TBC1D8B: variants seen among roughly 807,000 people sequenced by gnomAD.
TBC1D8B encodes TBC1 domain family member 8B, also known as RP11-321G1.1.
In TBC1D8B, 75 loss-of-function variants were observed where a neutral mutation model predicts 82.9. That is an observed-to-expected ratio of 0.90 (90% CI 0.75 to 1.10). The LOEUF (loss-of-function observed/expected upper bound fraction) is 1.10, where lower values mean the gene tolerates loss of function less well. Ranked by LOEUF, TBC1D8B falls within the 50% of genes least tolerant of loss-of-function variation. TBC1D8B has a pLI of 0.00. For synonymous variants in TBC1D8B, 276 were observed against 276.8 expected, an observed-to-expected ratio of 1.00 and a Z score of 0.03; for missense variants, 794 against 796.9, an observed-to-expected ratio of 1.00 and a Z score of 0.04.
At chrX:106,864,630 T>C (rs1487690635) in intron 14 of TBC1D8B, among the ~76,000 whole-genome samples, 1 of 107,932 alleles carries the variant, frequency 9.3e-6, no homozygotes, top group East Asian at 2.9e-4. Flanking sequence ...GTGATTCTTG[T>C]GCCTCAGTCT....
At chrX:106,817,711 T>C (rs1174045100) in intron 1 of TBC1D8B, among the ~76,000 whole-genome samples, 1 of 111,284 alleles carries the variant, frequency 9.0e-6, no homozygotes, top group East Asian at 2.8e-4. Context: ...CTGTATAGAC[T>C]CTAAGTCCTA....
intron 10 of TBC1D8B, among the ~76,000 whole-genome samples, chrX:106,846,226 G>A (rs924853944): frequency 3.8e-5 from 4 of 104,602 alleles, no homozygotes; most frequent in Admixed American, 1.0e-4. Context: ...TCAGCCTCAC[G>A]AGTAGCTGGG....
chrX:106,813,206 G>A (rs897245134), intron 1 of TBC1D8B, among the ~76,000 whole-genome samples: 1 of 111,897 alleles, frequency 8.9e-6, no homozygotes, highest in Admixed American at 9.5e-5. Flanking sequence ...ATTCATGGAT[G>A]AAATGATACA....
rs748904494 is a variant in TBC1D8B, at chrX:106,803,002, A to G, written c.130+19A>G. The G allele has an allele frequency of 1.7e-6, 2 of 1,179,684 alleles. No homozygotes were observed. The highest frequency in any genetic ancestry group is 3.0e-5 in the East Asian group (1 of 32,822). On this transcript the variant is annotated intron_variant, in intron 1 of 20. Transcript: ENST00000357242. ...CTCACAGGTAAGCTGTGGCCACCCT[A>G]CCTGCCTCTGGGCTGTGTTCGCTGT...
At chrX:106,816,634 CT>C (rs201876813) in intron 1 of TBC1D8B, among the ~76,000 whole-genome samples, 23,080 of 110,141 alleles carry the variant, frequency 0.21, 2,506 homozygotes, top group Non-Finnish European at 0.31. Flanking sequence ...CATACTTGAA[CT>C]TTTTTTCATA....
chrX:106,813,955 C>T (rs1310390371), intron 1 of TBC1D8B: 2 of 109,862 alleles, frequency 1.8e-5, no homozygotes, highest in Non-Finnish European at 3.8e-5. Flanking sequence ...CTGCTGCACC[C>T]ATTAACGCGT....
At chrX:106,813,996 A>C (rs1158964274) in intron 1 of TBC1D8B, 2 of 105,169 alleles carry the variant, frequency 1.9e-5, no homozygotes, top group Non-Finnish European at 3.9e-5. Context: ...TCTTAATGCT[A>C]TCCCTCCCCC....
At chrX:106,834,196 G>A (rs760115768) in intron 7 of TBC1D8B, among the ~76,000 whole-genome samples, 24 of 111,234 alleles carry the variant, frequency 2.2e-4, no homozygotes, top group Admixed American at 4.8e-4. Flanking sequence ...ACAGTTCTGC[G>A]TGGCTGGGGA....
chrX:106,853,013 G>T (rs1469472085), intron 12 of TBC1D8B, among the ~76,000 whole-genome samples: 1 of 110,948 alleles, frequency 9.0e-6, no homozygotes, highest in Non-Finnish European at 1.9e-5. Context: ...ATTACCTTGG[G>T]CAGTATGGCC....
Position 106,834,199 on chromosome X carries a change from G to T in TBC1D8B, c.1204-5109G>T, listed in dbSNP as rs1932113512. 2.7e-5 allele frequency among the ~76,000 whole-genome samples: 3 copies of T among 111,230 alleles called. No individual in the cohort carries two copies. The South Asian group carries it at 1.2e-3, about 43-fold the overall frequency. Reference sequence around the variant, plus strand: ...TTTAATTGACTCACAGTTCTGCGTGGCTGGGGAGGCCTCAGGAAACTTACA... The same window carrying T: ...TTTAATTGACTCACAGTTCTGCGTGTCTGGGGAGGCCTCAGGAAACTTACA... On this transcript the variant is annotated intron_variant, in intron 7 of 20. Coordinates refer to ENST00000357242, the MANE Select transcript of TBC1D8B (RefSeq NM_017752.3).
At chrX:106,852,952 T>A (rs1183966308) in intron 12 of TBC1D8B, among the ~76,000 whole-genome samples, 3 of 105,526 alleles carry the variant, frequency 2.8e-5, no homozygotes, top group Admixed American at 1.0e-4. Context: ...TTTTTCCAAT[T>A]CTGTGAAGAA....
intron 14 of TBC1D8B, among the ~76,000 whole-genome samples, chrX:106,861,919 T>A (rs897641682): frequency 1.8e-5 from 2 of 112,192 alleles, no homozygotes; most frequent in African/African-American, 6.5e-5. Context: ...CAAGATCTCT[T>A]GTAAGGCAGA....
chrX:106,854,518 C>G (rs1932657315), intron 14 of TBC1D8B, among the ~76,000 whole-genome samples: 1 of 110,549 alleles, frequency 9.0e-6, no homozygotes, highest in Non-Finnish European at 1.9e-5. Context: ...TACTATTTGA[C>G]CTTCAAGACC....
At chrX:106,861,914 T>C (rs1162838952) in intron 14 of TBC1D8B, among the ~76,000 whole-genome samples, 2 of 112,086 alleles carry the variant, frequency 1.8e-5, no homozygotes, top group African/African-American at 6.5e-5. Context: ...CCTTTCAAGA[T>C]CTCTTGTAAG....
chrX:106,851,261 A>G (rs1285464232), intron 12 of TBC1D8B, among the ~76,000 whole-genome samples: 1 of 111,944 alleles, frequency 8.9e-6, no homozygotes, highest in Non-Finnish European at 1.9e-5. Context: ...GTGGTGGTGA[A>G]CACCTGTAAT....
intron 7 of TBC1D8B, 104 bp downstream of exon 7, chrX:106,827,441 G>A: frequency 1.1e-6 from 1 of 914,055 alleles, no homozygotes; most frequent in Non-Finnish European, 1.5e-6. Context: ...TTTATGCCCA[G>A]GGGTTTTTTT....
In TBC1D8B at chrX:106,807,204, C is replaced by T. The variant is rs774947637; in HGVS notation, c.130+4221C>T. Among the ~76,000 whole-genome samples the T allele has an allele frequency of 2.5e-4, 24 of 96,288 alleles. No individual in the cohort carries two copies. The South Asian group carries it at 4.3e-3, about 17-fold the overall frequency. The allele number at this position is 96,288 out of a possible 115,157, so 83.6% of individuals were successfully genotyped here. On this transcript the variant is annotated intron_variant, in intron 1 of 20. Transcript: ENST00000357242. Reference sequence around the variant, plus strand: ...TTAAGGTAAGGAAAGATCTACCCGCCCCCCCCCATACACACACACACAAAC... The same window carrying T: ...TTAAGGTAAGGAAAGATCTACCCGCTCCCCCCCATACACACACACACAAAC...
rs771020241 is a variant in TBC1D8B at position 106,855,249 on chromosome X, A to G, written c.2352+953A>G. On this transcript the variant is annotated intron_variant, in intron 14 of 20. Transcript: ENST00000357242. Reference sequence around the variant, plus strand: ...AATAATTCAGTGAGGTTACTGTGACATAGTTAGCATAGGGCCCCTTGTTTT... The same window carrying G: ...AATAATTCAGTGAGGTTACTGTGACGTAGTTAGCATAGGGCCCCTTGTTTT... 6.2e-5 allele frequency among the ~76,000 whole-genome samples: 7 copies of G among 112,541 alleles called. No homozygotes were observed. In the East Asian group the frequency reaches 1.7e-3, roughly 27 times the overall value.
At chrX:106,809,767 C>G (rs1163057104) in intron 1 of TBC1D8B, among the ~76,000 whole-genome samples, 1 of 108,669 alleles carries the variant, frequency 9.2e-6, no homozygotes, top group African/African-American at 3.4e-5. Flanking sequence ...ACCTGTAATC[C>G]CAGCTACTTG....
Sources: gnomAD v4.1 joint callset for allele counts (sites outside exome capture counted in the v4.1 genomes callset) on GRCh38, gnomAD v4.1.1 for gene constraint, MANE v1.5 for transcripts, NCBI Gene and HGNC (gene_info 2026-07-23, HGNC 2026-07-21) for gene names.